MROH1: variants seen among roughly 807,000 people sequenced by gnomAD.
MROH1 encodes maestro heat-like repeat-containing protein family member 1.
Under a neutral mutation model 116.5 loss-of-function variants are expected in MROH1, and 117 were observed. That is an observed-to-expected ratio of 1.00 (90% CI 0.86 to 1.17). MROH1 has a LOEUF of 1.17. Ranked by LOEUF, MROH1 falls within the 50% of genes most tolerant of loss-of-function variation. The probability of loss-of-function intolerance (pLI) is 0.00; values close to 1 mark genes in which losing one functional copy is unlikely to be tolerated. For missense variants in MROH1, 1,873 were observed against 1,338.5 expected, an observed-to-expected ratio of 1.40 and a Z score of -6.23; for synonymous variants, 921 against 583.9, an observed-to-expected ratio of 1.58 and a Z score of -8.32.
At chr8:144,259,687 C>T (rs1018352692) in intron 37 of MROH1, among the ~76,000 whole-genome samples, 2 of 152,340 alleles carry the variant, frequency 1.3e-5, no homozygotes, top group South Asian at 4.1e-4. Context: ...CCAAAGATGC[C>T]AAAATCTTGC....
rs1275106357 is a variant in MROH1, at chr8:144,260,741, G to C, written c.4445G>C (p.Gly1482Ala). ...GGGCACCTTAACAAGGTCTGCCACG[G>C]AGACTGTGAGGACGTCTTCCTGGAC... ...LFGHLNKVCH[G>A]DCEDVFLDQV... is the part of the protein sequence containing the mutation. The change falls in exon 40 of 44, where the codon GGA becomes GCA. Residue 1482 changes from glycine to alanine, a missense_variant. Physicochemically the swap from Gly to Ala is moderately conservative, Grantham distance 60. Coordinates refer to ENST00000326134, the MANE Select transcript of MROH1 (RefSeq NM_032450.3). 1 of 779,504 alleles carries C rather than the reference G, an allele frequency of 1.3e-6. No individual in the cohort carries two copies. The highest frequency in any genetic ancestry group is 2.4e-5 in the East Asian group (1 of 41,252). The allele number at this position is 779,504 out of a possible 1,614,324, so 48.3% of individuals were successfully genotyped here. A position where few individuals can be genotyped will look rare whatever the true frequency, so the allele number is the denominator to read the frequency against.
intron 1 of MROH1, among the ~76,000 whole-genome samples, chr8:144,160,017 C>T (rs1029150439): frequency 6.6e-6 from 1 of 152,132 alleles, no homozygotes; most frequent in Admixed American, 6.6e-5. Flanking sequence ...GATCCACCCG[C>T]CTCGGCCTCC....
chr8:144,222,751 G>T (rs1837041105), intron 13 of MROH1, among the ~76,000 whole-genome samples: 1 of 152,088 alleles, frequency 6.6e-6, no homozygotes, highest in Admixed American at 6.5e-5. Flanking sequence ...TGTGGGTGCA[G>T]GCATAGGTGT....
intron 10 of MROH1, among the ~76,000 whole-genome samples, chr8:144,195,207 A>AAAAAAAAAAAAAAAAAAAAAAAAAG (rs1829560088): frequency 7.4e-6 from 1 of 135,800 alleles, no homozygotes; most frequent in Non-Finnish European, 1.6e-5. Flanking sequence ...AAAAAAAAAA[A>AAAAAAAAAAAAAAAAAAAAAAAAAG]AAAAAAAAAA....
At chr8:144,178,423 C>T (rs1037478647) in intron 4 of MROH1, among the ~76,000 whole-genome samples, 5 of 151,858 alleles carry the variant, frequency 3.3e-5, no homozygotes, top group Non-Finnish European at 5.9e-5. Context: ...TGAGCCACCA[C>T]GCACGGCCTG....
chr8:144,203,377 C>G (rs1157001668), intron 12 of MROH1, among the ~76,000 whole-genome samples: 2 of 136,518 alleles, frequency 1.5e-5, no homozygotes, highest in Admixed American at 1.5e-4. Context: ...AGCGCTCGCT[C>G]TGTGTGGAGT....
rs1820091288 is a variant in MROH1, at chr8:144,163,664, GA to G, written c.-56-105del. On this transcript the variant is annotated intron_variant, in intron 2 of 43. Transcript: ENST00000326134. This position sits in a 1 kb window ranked among gnomAD's most constrained non-coding sequence, Gnocchi z 4.4. ...AAATGTGACGGAGATATTTCCCCCA[GA>G]ATAAATTCATTTAAATTGTGTATTT... 1 of 727,910 alleles carries G rather than the reference GA, an allele frequency of 1.4e-6. No individual in the cohort carries two copies. Among genetic ancestry groups the G allele is most frequent in the Non-Finnish European group, 2.2e-6 (1 of 446,486 alleles). The allele number at this position is 727,910 out of a possible 1,614,324, so 45.1% of individuals were successfully genotyped here.
intron 4 of MROH1, among the ~76,000 whole-genome samples, chr8:144,172,639 G>A (rs188188410): frequency 1.6e-3 from 246 of 152,166 alleles, no homozygotes; most frequent in Middle Eastern, 0.014. Context: ...TCGAACTCCT[G>A]ACCTTGTGAT....
intron 32 of MROH1, 142 bp from the exon 33 acceptor site, chr8:144,250,070 C>A: frequency 1.5e-6 from 1 of 665,816 alleles, no homozygotes; most frequent in Non-Finnish European, 2.7e-6. Flanking sequence ...GGGATCCTGG[C>A]CCTACCTCAG....
Position 144,260,374 on chromosome 8 carries a change from T to C in MROH1, c.4380T>C (p.Ser1460=). The C allele has an allele frequency of 1.4e-6, 1 of 716,320 alleles. No individual in the cohort carries two copies. Among genetic ancestry groups the C allele is most frequent in the Non-Finnish European group, 2.6e-6 (1 of 391,596 alleles). 44.4% of individuals were successfully genotyped at this position (716,320 alleles called of 1,614,324 possible). ...TCCGCATCCGGCCTTTCTTCGACAG[T>C]GTAGGCTGGTTGGGGCAGGGGGAGG... is the stretch of plus-strand genomic sequence containing the variant. The part of the protein sequence containing the change: ...VAIRIRPFFD[S]EKMEFRTASI... Residue 1460 remains serine (S), a splice_region_variant and synonymous_variant, in exon 39 of 44, where the codon AGT becomes AGC. Coordinates refer to ENST00000326134, the MANE Select transcript of MROH1 (RefSeq NM_032450.3).
At chr8:144,206,635 C>T (rs889234029) in intron 12 of MROH1, among the ~76,000 whole-genome samples, 10 of 151,398 alleles carry the variant, frequency 6.6e-5, no homozygotes, top group Admixed American at 1.3e-4. Flanking sequence ...GTTGGCCAGG[C>T]TGGTCTCGAA....
intron 3 of MROH1, among the ~76,000 whole-genome samples, chr8:144,164,778 GC>G (rs1564371336): frequency 2.6e-5 from 4 of 152,132 alleles, no homozygotes; most frequent in African/African-American, 9.7e-5. Context: ...GGCTGTTCAG[GC>G]TGCTGTAACA....
At chr8:144,236,051 T>C (rs1839984638) in intron 14 of MROH1, among the ~76,000 whole-genome samples, 1 of 152,242 alleles carries the variant, frequency 6.6e-6, no homozygotes, top group Admixed American at 6.5e-5. Context: ...TCTGTCCCTT[T>C]AGCTGCTTTC....
intron 10 of MROH1, among the ~76,000 whole-genome samples, chr8:144,198,047 CAAAAAAAAAAA>C (rs11366876): frequency 2.6e-5 from 3 of 116,822 alleles, no homozygotes; most frequent in African/African-American, 9.9e-5. Context: ...AAAACTGTTT[CAAAAAAAAAAA>C]AAAAAAGAAA....
At chr8:144,200,310 C>T (rs534640760) in intron 11 of MROH1, 118 bp from the exon 12 acceptor site, 2 of 805,298 alleles carry the variant, frequency 2.5e-6, no homozygotes, top group South Asian at 2.0e-5. Flanking sequence ...ACCCCAGCTT[C>T]TCACCTTCAC....
chr8:144,208,826 C>T (rs1235108676), intron 12 of MROH1, among the ~76,000 whole-genome samples: 1 of 151,936 alleles, frequency 6.6e-6, no homozygotes, highest in African/African-American at 2.4e-5. Flanking sequence ...TGGGTTCAAG[C>T]GATTCTCCTG....
chr8:144,220,980 G>C (rs909664127), intron 13 of MROH1, among the ~76,000 whole-genome samples: 1 of 152,160 alleles, frequency 6.6e-6, no homozygotes, highest in Non-Finnish European at 1.5e-5. Flanking sequence ...TGCTCTGCTC[G>C]CGGTGATTGC....
intron 22 of MROH1, 109 bp downstream of exon 22, chr8:144,241,626 G>C (rs1048514901): frequency 2.6e-6 from 2 of 760,328 alleles, no homozygotes; most frequent in East Asian, 5.0e-5. Flanking sequence ...TGCGTCCCTG[G>C]ACCAATTTTT....
At chr8:144,209,025 TTTTGTGTGTGTG>T (rs1345309101) in intron 12 of MROH1, among the ~76,000 whole-genome samples, 10 of 122,584 alleles carry the variant, frequency 8.2e-5, no homozygotes, top group Non-Finnish European at 1.5e-4. Context: ...CACTCGGCCA[TTTTGTGTGTGTG>T]TGTGTGTGTG....
Sources: gnomAD v4.1 joint callset for allele counts (sites outside exome capture counted in the v4.1 genomes callset) on GRCh38, gnomAD v4.1.1 for gene constraint, Gnocchi (gnomAD v3.1) non-coding constraint, MANE v1.5 for transcripts, NCBI Gene and HGNC (gene_info 2026-07-23, HGNC 2026-07-21) for gene names.